OR9Q1: variants seen among roughly 807,000 people sequenced by gnomAD.
The protein encoded by OR9Q1 is olfactory receptor family 9 subfamily Q member 1, also known as olfactory receptor 9Q1.
For synonymous variants in OR9Q1, 153 were observed against 148.6 expected (o/e 1.03, Z -0.22); for missense variants, 374 against 378.8 (o/e 0.99, Z 0.11).
intron 2 of OR9Q1, among the ~76,000 whole-genome samples, chr11:58,102,953 A>T (rs1181245508): frequency 1.3e-5 from 2 of 152,030 alleles, no homozygotes; most frequent in Non-Finnish European, 2.9e-5. Context: ...TCACAAGTTC[A>T]TAAATTCTTT....
At chr11:58,096,641 T>G (rs1003746357) in intron 2 of OR9Q1, among the ~76,000 whole-genome samples, 6 of 150,400 alleles carry the variant, frequency 4.0e-5, no homozygotes, top group Admixed American at 2.7e-4. Flanking sequence ...GCCTCCTGAG[T>G]AGCTGGGACT....
intron 2 of OR9Q1, among the ~76,000 whole-genome samples, chr11:58,134,194 C>T (rs923039069): frequency 1.3e-5 from 2 of 152,222 alleles, no homozygotes; most frequent in Non-Finnish European, 2.9e-5. Flanking sequence ...CACTGAGGCT[C>T]TTCTCCCTAA....
At chr11:58,160,537 G>C (rs535772934) in intron 2 of OR9Q1, among the ~76,000 whole-genome samples, 32 of 152,144 alleles carry the variant, frequency 2.1e-4, no homozygotes, top group African/African-American at 7.5e-4. Flanking sequence ...ATAGCTCACT[G>C]TAACCTCAAA....
chr11:58,144,597 G>T (rs1292665445), intron 2 of OR9Q1: 1 of 152,076 alleles, frequency 6.6e-6, no homozygotes, highest in African/African-American at 2.4e-5. Context: ...CACCATGGGG[G>T]GCAACCTGGG....
At chr11:58,118,972 A>C in intron 2 of OR9Q1, 4 of 1,613,958 alleles carry the variant, frequency 2.5e-6, no homozygotes, top group Non-Finnish European at 3.4e-6. Context: ...AGTGGTACGC[A>C]GGATGGCTCC....
intron 2 of OR9Q1, among the ~76,000 whole-genome samples, chr11:58,079,755 T>C (rs2120038271): frequency 6.6e-6 from 1 of 152,252 alleles, no homozygotes; most frequent in Non-Finnish European, 1.5e-5. Flanking sequence ...TTGTACCAGA[T>C]GAAGTCATTA....
At chr11:58,032,323 C>A (rs1853050444) in intron 1 of OR9Q1, among the ~76,000 whole-genome samples, 2 of 151,600 alleles carry the variant, frequency 1.3e-5, no homozygotes, top group South Asian at 4.2e-4. Context: ...CAAAAAAAAC[C>A]AAAAAAATAA....
intron 2 of OR9Q1, among the ~76,000 whole-genome samples, chr11:58,146,133 T>C (rs1854296971): frequency 6.6e-6 from 1 of 152,214 alleles, no homozygotes; most frequent in African/African-American, 2.4e-5. Context: ...GAGTCCCATA[T>C]ATAACTTTGT....
At chr11:58,168,612 CT>C (rs970117354) in intron 2 of OR9Q1, among the ~76,000 whole-genome samples, 1 of 151,684 alleles carries the variant, frequency 6.6e-6, no homozygotes, top group East Asian at 1.9e-4. Flanking sequence ...TCCAATGCCT[CT>C]TTTTTTTCCC....
At chr11:58,044,264 C>T (rs540212232) in intron 1 of OR9Q1, 7 of 152,354 alleles carry the variant, frequency 4.6e-5, no homozygotes, top group African/African-American at 1.4e-4. Context: ...CTGAAGTCTA[C>T]TCTGGCTGAT....
At chr11:58,128,822 C>A (rs1334489838) in intron 2 of OR9Q1, among the ~76,000 whole-genome samples, 1 of 151,946 alleles carries the variant, frequency 6.6e-6, no homozygotes, top group Non-Finnish European at 1.5e-5. Flanking sequence ...AAATATAATA[C>A]TAAAGTTTAT....
chr11:58,041,944 C>G (rs2100110), intron 1 of OR9Q1, among the ~76,000 whole-genome samples: 101,458 of 152,074 alleles, frequency 0.67, 34,275 homozygotes, highest in Middle Eastern at 0.79. Context: ...TATGGAAGCT[C>G]CAACTCCTGT....
chr11:58,093,466 T>C (rs1184109296), intron 2 of OR9Q1, among the ~76,000 whole-genome samples: 1 of 152,016 alleles, frequency 6.6e-6, no homozygotes, highest in East Asian at 1.9e-4. Flanking sequence ...AAAACCACAG[T>C]CAAATATTGT....
intron 2 of OR9Q1, among the ~76,000 whole-genome samples, chr11:58,104,161 A>G (rs1290351714): frequency 6.6e-6 from 1 of 152,188 alleles, no homozygotes; most frequent in Non-Finnish European, 1.5e-5. Context: ...ACACTTTACT[A>G]TCTGAAGCCA....
At chr11:58,053,661 A>AATAT (rs1217397265) in intron 1 of OR9Q1, among the ~76,000 whole-genome samples, 3 of 22,934 alleles carry the variant, frequency 1.3e-4, no homozygotes, top group African/African-American at 4.0e-4. Flanking sequence ...ATATATATAA[A>AATAT]ATATATATAT....
At chr11:58,042,862 A>G (rs938608862) in intron 1 of OR9Q1, among the ~76,000 whole-genome samples, 1 of 152,090 alleles carries the variant, frequency 6.6e-6, no homozygotes, top group African/African-American at 2.4e-5. Context: ...GGTCCTTCAC[A>G]TCCCTTGTAA....
At chr11:58,035,944 G>A (rs76681787) in intron 1 of OR9Q1, among the ~76,000 whole-genome samples, 1 of 119,758 alleles carries the variant, frequency 8.4e-6, no homozygotes, top group South Asian at 3.2e-4. Flanking sequence ...CACTGGTACT[G>A]GTTTTTTTTT....
At position 58,161,898 on chromosome 11, in the gene OR9Q1, C is replaced by T. The variant is rs147960245; in HGVS notation, c.-14-17533C>T. ...TGTTATATCCAATTAATCAGAACCTCCTTGTTTCTCCAGAAAGCAACAGCA... is the reference window on the plus strand; with the variant it reads ...TGTTATATCCAATTAATCAGAACCTTCTTGTTTCTCCAGAAAGCAACAGCA... On this transcript the variant is annotated intron_variant, in intron 2 of 2. Coordinates refer to ENST00000335397, the MANE Select transcript of OR9Q1 (RefSeq NM_001005212.4). Among the ~76,000 whole-genome samples the T allele has an allele frequency of 4.5e-3, 678 of 152,310 alleles. 1 individual carries two copies. The highest frequency in any genetic ancestry group is 5.9e-3 in the Non-Finnish European group (399 of 68,026).
At chr11:58,133,307 C>G (rs906659480) in intron 2 of OR9Q1, among the ~76,000 whole-genome samples, 1 of 152,034 alleles carries the variant, frequency 6.6e-6, no homozygotes, top group African/African-American at 2.4e-5. Context: ...ACTGGAGGAG[C>G]AGAAGGGATA....
Sources: gnomAD v4.1 joint callset for allele counts (sites outside exome capture counted in the v4.1 genomes callset) on GRCh38, gnomAD v4.1.1 for gene constraint, MANE v1.5 for transcripts, NCBI Gene and HGNC (gene_info 2026-07-23, HGNC 2026-07-21) for gene names.